BRD10: variants seen among roughly 807,000 people sequenced by gnomAD.
The protein encoded by BRD10 is uncharacterized bromodomain-containing protein 10.
the BRD10 span, among the ~76,000 whole-genome samples, chr9:5,905,196 A>G: frequency 2.6e-5 from 4 of 152,224 alleles, no homozygotes; most frequent in Admixed American, 6.5e-5. Context: ...GTATCTTAAA[A>G]TAATCCTAAT....
chr9:5,955,383 A>C, the BRD10 span, among the ~76,000 whole-genome samples: 1 of 152,194 alleles, frequency 6.6e-6, no homozygotes, highest in Non-Finnish European at 1.5e-5. Flanking sequence ...TTAAATGTCA[A>C]TATTTTTTTC....
chr9:5,954,225 G>C, the BRD10 span: 1 of 612,142 alleles, frequency 1.6e-6, no homozygotes, highest in Admixed American at 3.0e-5. Context: ...AAATAAAAAT[G>C]ATGAATCAAA....
At chr9:5,968,550 C>A in the BRD10 span, 2 of 1,613,738 alleles carry the variant, frequency 1.2e-6, no homozygotes, top group Admixed American at 1.7e-5. Context: ...CCCATTTCAA[C>A]AGAGATGTCA....
chr9:5,949,997 T>C, the BRD10 span, among the ~76,000 whole-genome samples: 1 of 152,146 alleles, frequency 6.6e-6, no homozygotes, highest in Non-Finnish European at 1.5e-5. Context: ...TCACCAATAT[T>C]CTATAATTAT....
chr9:5,986,513 T>C, the BRD10 span, among the ~76,000 whole-genome samples: 1 of 152,324 alleles, frequency 6.6e-6, no homozygotes, highest in African/African-American at 2.4e-5. Context: ...CTGGGTCAAA[T>C]GGTTCTAGAT....
chr9:6,007,116 G>C, the BRD10 span: 1 of 1,446,576 alleles, frequency 6.9e-7, no homozygotes, highest in Non-Finnish European at 9.5e-7. Context: ...CCAGGCCCCT[G>C]GCCCAGCCCA....
chr9:6,003,457 T>C, the BRD10 span, among the ~76,000 whole-genome samples: 9 of 152,250 alleles, frequency 5.9e-5, no homozygotes, highest in African/African-American at 1.2e-4. Context: ...CTAATGTTAA[T>C]TGCTATTTCT....
the BRD10 span, among the ~76,000 whole-genome samples, chr9:5,975,466 G>C: frequency 1.1e-5 from 1 of 93,926 alleles, no homozygotes; most frequent in African/African-American, 4.1e-5. Context: ...AAAAAAAAAA[G>C]ATTTAGCAAT....
chr9:6,004,698 A>T, the BRD10 span, among the ~76,000 whole-genome samples: 1 of 152,208 alleles, frequency 6.6e-6, no homozygotes, highest in Non-Finnish European at 1.5e-5. Context: ...AGATATTTAC[A>T]AATAAGCTAT....
the BRD10 span, among the ~76,000 whole-genome samples, chr9:5,941,059 GA>G: frequency 1.3e-5 from 2 of 151,784 alleles, no homozygotes; most frequent in Non-Finnish European, 2.9e-5. Flanking sequence ...AAACTTCTTT[GA>G]AAATCAGAAC....
chr9:5,911,405 G>GTTTTT, the BRD10 span, among the ~76,000 whole-genome samples: 2 of 103,586 alleles, frequency 1.9e-5, no homozygotes, highest in African/African-American at 7.2e-5. Flanking sequence ...GTCTATGTGT[G>GTTTTT]TTTTTTTTTT....
the BRD10 span, among the ~76,000 whole-genome samples, chr9:5,938,937 T>G: frequency 6.6e-6 from 1 of 152,282 alleles, no homozygotes; most frequent in Admixed American, 6.5e-5. Flanking sequence ...CTGAGAACTC[T>G]GAATATACTT....
At chr9:5,968,486 G>T in the BRD10 span, 3 of 1,611,104 alleles carry the variant, frequency 1.9e-6, no homozygotes, top group Admixed American at 1.7e-5. Flanking sequence ...ACAACAATCA[G>T]TTTTTTTAAT....
chr9:5,940,401 G>A, the BRD10 span, among the ~76,000 whole-genome samples: 13 of 151,996 alleles, frequency 8.6e-5, no homozygotes, highest in Non-Finnish European at 1.8e-4. Context: ...CACCATGTTA[G>A]CCAGGCTGGT....
the BRD10 span, among the ~76,000 whole-genome samples, chr9:5,902,554 T>C: frequency 2.6e-5 from 4 of 152,034 alleles, no homozygotes; most frequent in East Asian, 7.7e-4. Context: ...TACCTTGAAC[T>C]CCTGGGCTCA....
the BRD10 span, among the ~76,000 whole-genome samples, chr9:5,977,062 A>G: frequency 6.6e-6 from 1 of 152,248 alleles, no homozygotes; most frequent in African/African-American, 2.4e-5. Context: ...GGACATACAG[A>G]AAGGTGAAAT....
At chr9:5,881,155 T>C in the BRD10 span, among the ~76,000 whole-genome samples, 2 of 152,122 alleles carry the variant, frequency 1.3e-5, no homozygotes, top group East Asian at 1.9e-4. Context: ...TTTTCAACTA[T>C]TTAAGGTCTG....
chr9:5,984,477 C>A, the BRD10 span, among the ~76,000 whole-genome samples: 1 of 151,968 alleles, frequency 6.6e-6, no homozygotes, highest in Admixed American at 6.6e-5. Flanking sequence ...TAGGCCAACA[C>A]TGGAGATAAA....
At chr9:5,972,840 A>G in the BRD10 span, among the ~76,000 whole-genome samples, 3 of 152,222 alleles carry the variant, frequency 2.0e-5, no homozygotes, top group South Asian at 2.1e-4. Context: ...TTCAACAGCA[A>G]TAACAGAAGC....
Sources: gnomAD v4.1 joint callset for allele counts (sites outside exome capture counted in the v4.1 genomes callset) on GRCh38, gnomAD v4.1.1 for gene constraint, MANE v1.5 for transcripts, NCBI Gene and HGNC (gene_info 2026-07-23, HGNC 2026-07-21) for gene names.